MYRIP: variants seen among roughly 807,000 people sequenced by gnomAD.
MYRIP encodes the protein rab effector MyRIP.
MYRIP carries 49 observed loss-of-function variants against 98.0 expected under a neutral mutation model. The ratio of observed to expected loss-of-function variants is 0.50; its 90% confidence interval spans 0.40 to 0.63. The LOEUF (loss-of-function observed/expected upper bound fraction) is 0.63, where lower values mean the gene tolerates loss of function less well. Among genes scored for constraint, MYRIP ranks in the 30% least tolerant of loss-of-function variants. The pLI is 0.00. For missense variants in MYRIP, 1,004 were observed against 1,058.2 expected, an observed-to-expected ratio of 0.95 and a Z score of 0.71; for synonymous variants, 404 against 409.5, an observed-to-expected ratio of 0.99 and a Z score of 0.16.
At chr3:39,891,985 T>G (rs1317725384) in intron 1 of MYRIP, among the ~76,000 whole-genome samples, 1 of 152,128 alleles carries the variant, frequency 6.6e-6, no homozygotes, top group Non-Finnish European at 1.5e-5. Flanking sequence ...GTACTTCAAA[T>G]TTTTATATAG....
intron 2 of MYRIP, among the ~76,000 whole-genome samples, chr3:39,936,752 TC>T (rs1944664688): frequency 6.6e-6 from 1 of 152,164 alleles, no homozygotes; most frequent in African/African-American, 2.4e-5. Flanking sequence ...GGCAGATTCC[TC>T]CCAGGGCTCT....
At chr3:40,085,026 CTA>C (rs1948593889) in intron 3 of MYRIP, among the ~76,000 whole-genome samples, 2 of 149,000 alleles carry the variant, frequency 1.3e-5, no homozygotes, top group African/African-American at 2.5e-5. Flanking sequence ...TAATATATAT[CTA>C]TGTGTTATAT....
chr3:40,182,472 A>G (rs1950907720), intron 9 of MYRIP, 99 bp downstream of exon 9: 1 of 1,365,112 alleles, frequency 7.3e-7, no homozygotes, highest in Non-Finnish European at 1.0e-6. Context: ...TTCTTCCCAT[A>G]AGTCTGAACT....
intron 2 of MYRIP, among the ~76,000 whole-genome samples, chr3:39,956,824 G>C (rs60949599): frequency 0.21 from 31,285 of 151,160 alleles, 4,334 homozygotes; most frequent in East Asian, 0.43. Flanking sequence ...CAAATAGATG[G>C]AATAAAAAAT....
chr3:40,213,500 C>A (rs1952024398), intron 11 of MYRIP, among the ~76,000 whole-genome samples: 1 of 152,104 alleles, frequency 6.6e-6, no homozygotes, highest in Non-Finnish European at 1.5e-5. Flanking sequence ...CTCCTTGATG[C>A]TATGCAGAGT....
At chr3:39,899,291 A>G (rs1296524543) in intron 1 of MYRIP, among the ~76,000 whole-genome samples, 7 of 152,202 alleles carry the variant, frequency 4.6e-5, no homozygotes, top group Admixed American at 2.0e-4. Flanking sequence ...CTGTTGATGA[A>G]TGTACCTATT....
chr3:39,948,244 G>T (rs1256527797), intron 2 of MYRIP, among the ~76,000 whole-genome samples: 1 of 152,034 alleles, frequency 6.6e-6, no homozygotes, highest in East Asian at 1.9e-4. Context: ...CATTCTTTCT[G>T]GAAGGAACAT....
chr3:40,127,552 G>A (rs561377482), intron 3 of MYRIP, among the ~76,000 whole-genome samples: 2 of 152,222 alleles, frequency 1.3e-5, no homozygotes, highest in Admixed American at 6.5e-5. Flanking sequence ...TATGAAATTA[G>A]TTATTAGGGT....
chr3:39,890,474 TCTC>T (rs1427602308), intron 1 of MYRIP, among the ~76,000 whole-genome samples: 2 of 152,028 alleles, frequency 1.3e-5, no homozygotes, highest in Non-Finnish European at 2.9e-5. Flanking sequence ...TGAGAGATCT[TCTC>T]CTGTTGTTTT....
chr3:39,954,146 G>A (rs11926796), intron 2 of MYRIP, among the ~76,000 whole-genome samples: 233 of 152,290 alleles, frequency 1.5e-3, no homozygotes, highest in Non-Finnish European at 2.8e-3. Context: ...CTGTCTGACA[G>A]CTTTGAAGAG....
intron 2 of MYRIP, among the ~76,000 whole-genome samples, chr3:39,972,950 G>C (rs905100818): frequency 6.6e-6 from 1 of 151,822 alleles, no homozygotes; most frequent in African/African-American, 2.4e-5. Context: ...TTTGGAAGTA[G>C]AAATAATAAA....
At chr3:40,217,068 GT>G in intron 11 of MYRIP, among the ~76,000 whole-genome samples, 1 of 152,190 alleles carries the variant, frequency 6.6e-6, no homozygotes, top group Admixed American at 6.5e-5. Flanking sequence ...ACTCTAGAAG[GT>G]TTACAAAACC....
intron 2 of MYRIP, among the ~76,000 whole-genome samples, chr3:39,979,847 T>C (rs1219023981): frequency 6.6e-6 from 1 of 152,196 alleles, no homozygotes; most frequent in African/African-American, 2.4e-5. Context: ...TTGTCACCTT[T>C]ACACAGCACC....
chr3:40,119,906 T>C (rs1279790391), intron 3 of MYRIP, among the ~76,000 whole-genome samples: 1 of 151,592 alleles, frequency 6.6e-6, no homozygotes, highest in East Asian at 1.9e-4. Context: ...CCCTAAAACT[T>C]AAAGTATAAT....
intron 3 of MYRIP, among the ~76,000 whole-genome samples, chr3:40,144,118 CT>C (rs761142596): frequency 5.9e-5 from 9 of 152,172 alleles, no homozygotes; most frequent in Non-Finnish European, 1.0e-4. Context: ...CTCAAAAAGC[CT>C]TGAACAAACA....
chr3:39,871,050 A>G (rs1246537426), intron 1 of MYRIP, among the ~76,000 whole-genome samples: 1 of 152,114 alleles, frequency 6.6e-6, no homozygotes, highest in Non-Finnish European at 1.5e-5. Context: ...CCAACAGGAG[A>G]TTTACTGTGA....
chr3:40,128,949 T>C (rs1293145712), intron 3 of MYRIP, among the ~76,000 whole-genome samples: 1 of 152,160 alleles, frequency 6.6e-6, no homozygotes, highest in Non-Finnish European at 1.5e-5. Flanking sequence ...TCAATAGTAT[T>C]ATTAGCATTG....
chr3:39,969,072 A>G (rs1428496898), intron 2 of MYRIP, among the ~76,000 whole-genome samples: 1 of 151,928 alleles, frequency 6.6e-6, no homozygotes, highest in Non-Finnish European at 1.5e-5. Flanking sequence ...TAGGTATTTT[A>G]TTCTTTGTGT....
At position 40,098,338 on chromosome 3, in the gene MYRIP, A is replaced by G. The variant is rs116533284; in HGVS notation, c.333-52710A>G. Reference sequence around the variant, plus strand: ...CATATGTGGTATGAACCCATTTGTAATGCAATACATTCCATAAAAGTGTGA... The same window carrying G: ...CATATGTGGTATGAACCCATTTGTAGTGCAATACATTCCATAAAAGTGTGA... On this transcript the variant is annotated intron_variant, in intron 3 of 16. Coordinates refer to ENST00000302541, the MANE Select transcript of MYRIP (RefSeq NM_015460.4). 5.5e-3 allele frequency among the ~76,000 whole-genome samples: 842 copies of G among 152,324 alleles called. 7 individuals carry two copies. The highest frequency in any genetic ancestry group is 0.019 in the African/African-American group (776 of 41,568).
Sources: gnomAD v4.1 joint callset for allele counts (sites outside exome capture counted in the v4.1 genomes callset) on GRCh38, gnomAD v4.1.1 for gene constraint, MANE v1.5 for transcripts, NCBI Gene and HGNC (gene_info 2026-07-23, HGNC 2026-07-21) for gene names.